Variants in FGF18 observed in about 807,000 individuals in gnomAD.
The protein encoded by FGF18 is fibroblast growth factor 18.
In FGF18, 5 loss-of-function variants were observed where a neutral mutation model predicts 23.0. That is an observed-to-expected ratio of 0.22 (90% confidence interval 0.11 to 0.46). FGF18 has a LOEUF of 0.46. Among genes scored for constraint, FGF18 ranks in the 20% least tolerant of loss-of-function variants. FGF18 has a pLI of 0.99. For missense variants in FGF18, 180 were observed against 291.6 expected, an observed-to-expected ratio of 0.62 and a Z score of 2.79; for synonymous variants, 117 against 118.9, an observed-to-expected ratio of 0.98 and a Z score of 0.10.
At position 171,456,937 on chromosome 5, in the gene FGF18, A is replaced by G; in HGVS notation, c.*132A>G. 5.9e-6 allele frequency: 7 copies of G among 1,183,534 alleles called. No individual in the cohort carries two copies. The highest frequency in any genetic ancestry group is 8.1e-6 in the Non-Finnish European group (7 of 863,892). 73.3% of individuals were successfully genotyped at this position (1,183,534 alleles called of 1,614,324 possible). ...TGTACATTGTGTTTAAAAGAAGACA[A>G]AAACTGAACCAAAACTCTTGGGGGG... On this transcript the variant is annotated 3_prime_UTR_variant, in exon 5 of 5. Coordinates refer to ENST00000274625, the MANE Select transcript of FGF18 (RefSeq NM_003862.3). The surrounding 1 kb of genome is among the most constrained non-coding windows in gnomAD (Gnocchi z 6.1).
chr5:171,422,341 A>T (rs1007188835), intron 2 of FGF18, among the ~76,000 whole-genome samples: 11 of 151,880 alleles, frequency 7.2e-5, no homozygotes, highest in Non-Finnish European at 1.5e-5. Context: ...CACCACCTCC[A>T]CCTTCCCCCT....
intron 2 of FGF18, among the ~76,000 whole-genome samples, chr5:171,422,035 C>T (rs1581268328): frequency 6.6e-6 from 1 of 152,078 alleles, no homozygotes; most frequent in East Asian, 1.9e-4. Context: ...TTCCAGAGTG[C>T]TGTGCCTGGG....
chr5:171,446,023 T>C (rs181328606), intron 3 of FGF18, among the ~76,000 whole-genome samples: 244 of 152,256 alleles, frequency 1.6e-3, no homozygotes, highest in African/African-American at 5.6e-3. Flanking sequence ...ATTTTCTCTC[T>C]CCCTCTCTCT....
In FGF18 at chr5:171,451,716, C is replaced by CCGGGCACA. The variant is rs1241131492; in HGVS notation, c.357+2464_357+2471dup. Among the ~76,000 whole-genome samples, 1 of 152,210 alleles carries CCGGGCACA rather than the reference C, an allele frequency of 6.6e-6. No homozygotes were observed. The highest frequency in any genetic ancestry group is 1.5e-5 in the Non-Finnish European group (1 of 68,026). ...ACACCGAAGGCCCTGGGGAGCCTCC[C>CCGGGCACA]CGGGCACATGGATTCCTTATGCTCC... is the stretch of plus-strand genomic sequence containing the variant. On this transcript the variant is annotated intron_variant, in intron 4 of 4. Transcript: ENST00000274625. This position sits in a 1 kb window ranked among gnomAD's most constrained non-coding sequence, Gnocchi z 4.5.
At chr5:171,442,396 G>A (rs1331015747) in intron 3 of FGF18, among the ~76,000 whole-genome samples, 1 of 152,200 alleles carries the variant, frequency 6.6e-6, no homozygotes, top group Non-Finnish European at 1.5e-5. Context: ...GGCTGACTCG[G>A]TGTGACCTCT....
At chr5:171,429,952 G>A (rs1016320792) in intron 2 of FGF18, among the ~76,000 whole-genome samples, 5 of 152,266 alleles carry the variant, frequency 3.3e-5, no homozygotes, top group African/African-American at 1.2e-4. Flanking sequence ...CGAGGGCAAA[G>A]CAGGAGAGAG....
chr5:171,441,748 G>A (rs765264989), intron 3 of FGF18, among the ~76,000 whole-genome samples: 5 of 152,314 alleles, frequency 3.3e-5, no homozygotes, highest in African/African-American at 4.8e-5. Flanking sequence ...CCACGAAGAC[G>A]CTCTCAGTAT....
At chr5:171,449,274 C>T (rs1030270383) in intron 4 of FGF18, 21 bp downstream of exon 4, 33 of 1,588,672 alleles carry the variant, frequency 2.1e-5, no homozygotes, top group Non-Finnish European at 2.8e-5. Flanking sequence ...GTTTGGGATT[C>T]CCGGGAACTT....
At position 171,423,773 on chromosome 5, in the gene FGF18, CTT is replaced by C. The variant is rs61255857; in HGVS notation, c.69+3353_69+3354del. 7.0e-3 allele frequency among the ~76,000 whole-genome samples: 726 copies of C among 103,300 alleles called. 1 individual carries two copies. Among genetic ancestry groups the C allele is most frequent in the Non-Finnish European group, 8.3e-3 (446 of 54,010 alleles). 67.8% of individuals were successfully genotyped at this position (103,300 alleles called of 152,430 possible). On this transcript the variant is annotated intron_variant, in intron 2 of 4. Transcript: ENST00000274625. ...TGGGATGCTCTGTTAGTGGATGGCA[CTT>C]TTTTTTTTTTTTTTTTTTTTTTGTG...
intron 2 of FGF18, among the ~76,000 whole-genome samples, chr5:171,422,586 G>C (rs1424961884): frequency 6.6e-6 from 1 of 152,196 alleles, no homozygotes; most frequent in Non-Finnish European, 1.5e-5. Flanking sequence ...GGGAGTTATG[G>C]GCAAGGTTGT....
Position 171,451,057 on chromosome 5 carries a change from C to G in FGF18, c.357+1804C>G, listed in dbSNP as rs984090191. Among the ~76,000 whole-genome samples, 8 of 151,548 alleles carry G rather than the reference C, an allele frequency of 5.3e-5. No individual in the cohort carries two copies. The highest frequency in any genetic ancestry group is 2.1e-4 in the South Asian group (1 of 4,812). On this transcript the variant is annotated intron_variant, in intron 4 of 4. Coordinates refer to ENST00000274625, the MANE Select transcript of FGF18 (RefSeq NM_003862.3). The surrounding 1 kb of genome is among the most constrained non-coding windows in gnomAD (Gnocchi z 4.5). ...AGCCCCGTCCCCTCGGGCCGCCCCC[C>G]CACCCCGCCGCCGGCCGCCTCCCGC...
chr5:171,420,291 C>T, intron 1 of FGF18, 60 bp downstream of exon 1: 3 of 1,607,236 alleles, frequency 1.9e-6, no homozygotes, highest in South Asian at 2.2e-5. Flanking sequence ...ATGCCTGTGC[C>T]CTGTACCTCT....
Position 171,451,918 on chromosome 5 carries a change from C to A in FGF18, c.357+2665C>A, listed in dbSNP as rs1019783784. 1.3e-5 allele frequency among the ~76,000 whole-genome samples: 2 copies of A among 152,198 alleles called. No homozygotes were observed. Among genetic ancestry groups the A allele is most frequent in the East Asian group, 3.9e-4 (2 of 5,188 alleles). Reference sequence around the variant, plus strand: ...GGAGCCCCACAGTCCCTCGCACAGCCCTCTGTTGCCTGTCTGCTAACCTGG... The same window carrying A: ...GGAGCCCCACAGTCCCTCGCACAGCACTCTGTTGCCTGTCTGCTAACCTGG... On this transcript the variant is annotated intron_variant, in intron 4 of 4. Transcript: ENST00000274625. The surrounding 1 kb of genome is among the most constrained non-coding windows in gnomAD (Gnocchi z 4.5).
At chr5:171,430,149 G>A (rs914327316) in intron 2 of FGF18, among the ~76,000 whole-genome samples, 4 of 151,776 alleles carry the variant, frequency 2.6e-5, no homozygotes, top group African/African-American at 7.3e-5. Flanking sequence ...ATGAGGTCAG[G>A]AGTTCAAGAC....
At chr5:171,447,176 C>T (rs1391232958) in intron 3 of FGF18, among the ~76,000 whole-genome samples, 1 of 152,146 alleles carries the variant, frequency 6.6e-6, no homozygotes, top group Admixed American at 6.5e-5. Flanking sequence ...AAACTGAGGG[C>T]CACAGTCATA....
chr5:171,446,489 A>G (rs1327869045), intron 3 of FGF18, among the ~76,000 whole-genome samples: 1 of 152,182 alleles, frequency 6.6e-6, no homozygotes, highest in African/African-American at 2.4e-5. Context: ...GGACAAAGAC[A>G]CCCAATCTCA....
rs371575721 is a variant in FGF18, at chr5:171,456,780, G to T, written c.599G>T (p.Arg200Leu). 1.2e-6 allele frequency: 2 copies of T among 1,613,716 alleles called. No individual in the cohort carries two copies. The highest frequency in any genetic ancestry group is 1.7e-6 in the Non-Finnish European group (2 of 1,179,898). The change falls in exon 5 of 5, where the codon CGG becomes CTG. Residue 200 changes from arginine to leucine, a missense_variant. This residue lies in a region of FGF18 where 40 missense variants were observed against 41.4 expected (regional missense o/e 0.97). Coordinates refer to ENST00000274625, the MANE Select transcript of FGF18 (RefSeq NM_003862.3). This position sits in a 1 kb window ranked among gnomAD's most constrained non-coding sequence, Gnocchi z 6.1. ...ACGACGGTGACCAAGAGGTCCCGTC[G>T]GATCCGGCCCACACACCCTGCCTAG... The part of the protein sequence containing the change: ...KYTTVTKRSR[R>L]IRPTHPA
At chr5:171,449,756 G>C (rs1772471021) in intron 4 of FGF18, among the ~76,000 whole-genome samples, 1 of 149,876 alleles carries the variant, frequency 6.7e-6, no homozygotes, top group African/African-American at 2.5e-5. Flanking sequence ...CTTGGTTCTA[G>C]CATTTCAGAA....
chr5:171,420,500 C>G (rs1771987680), intron 2 of FGF18, 57 bp downstream of exon 2: 4 of 1,520,508 alleles, frequency 2.6e-6, no homozygotes, highest in Admixed American at 3.3e-5. Context: ...TACACGCCGA[C>G]CCCCCTTCCC....
Sources: allele counts gnomAD v4.1 joint callset (sites outside exome capture counted in the v4.1 genomes callset), GRCh38; gene constraint gnomAD v4.1.1; regional missense constraint gnomAD v4.1.1; non-coding constraint Gnocchi (gnomAD v3.1); transcripts MANE v1.5; gene names NCBI Gene and HGNC (gene_info 2026-07-23, HGNC 2026-07-21).